Variants in CLYBL observed in about 807,000 individuals in gnomAD.
The protein encoded by CLYBL is citramalyl-CoA lyase.
CLYBL carries 31 observed loss-of-function variants against 38.9 expected under a neutral mutation model. That is an observed-to-expected ratio of 0.80 (90% CI 0.60 to 1.08). CLYBL has a LOEUF of 1.08. Among genes scored for constraint, CLYBL ranks in the 50% least tolerant of loss-of-function variants. CLYBL has a pLI of 0.00. For synonymous variants in CLYBL, 171 were observed against 158.6 expected, an observed-to-expected ratio of 1.08 and a Z score of -0.59; for missense variants, 434 against 411.6, an observed-to-expected ratio of 1.05 and a Z score of -0.47.
At chr13:99,710,017 A>G (rs907067698) in intron 1 of CLYBL, among the ~76,000 whole-genome samples, 7 of 137,354 alleles carry the variant, frequency 5.1e-5, no homozygotes, top group African/African-American at 1.4e-4. Context: ...TCCGCCTCCC[A>G]GGTTCACGCC....
At chr13:99,700,759 G>A (rs1041346379) in intron 1 of CLYBL, among the ~76,000 whole-genome samples, 2 of 152,202 alleles carry the variant, frequency 1.3e-5, no homozygotes, top group Non-Finnish European at 2.9e-5. Flanking sequence ...TGCAGGGAGT[G>A]ATAAGTAAAC....
intron 1 of CLYBL, among the ~76,000 whole-genome samples, chr13:99,641,639 C>T (rs1440403412): frequency 1.6e-5 from 2 of 127,830 alleles, no homozygotes; most frequent in Non-Finnish European, 3.4e-5. Flanking sequence ...CCCATCTCTA[C>T]TAAAAATACA....
At chr13:99,881,725 C>T (rs1471185356) in intron 7 of CLYBL, among the ~76,000 whole-genome samples, 1 of 152,026 alleles carries the variant, frequency 6.6e-6, no homozygotes, top group Admixed American at 6.5e-5. Context: ...GCCCAGCCTT[C>T]ATTACAATTT....
chr13:99,888,957 T>A (rs1795549316), intron 7 of CLYBL, among the ~76,000 whole-genome samples: 1 of 152,134 alleles, frequency 6.6e-6, no homozygotes, highest in Admixed American at 6.5e-5. Flanking sequence ...CGCTAGGCAG[T>A]CTCATTCATA....
intron 1 of CLYBL, among the ~76,000 whole-genome samples, chr13:99,753,619 T>C (rs542371446): frequency 6.6e-6 from 1 of 152,356 alleles, no homozygotes; most frequent in African/African-American, 2.4e-5. Flanking sequence ...TACATTTACC[T>C]ACATTTATTA....
At chr13:99,656,546 T>A (rs1388401998) in intron 1 of CLYBL, among the ~76,000 whole-genome samples, 1 of 152,202 alleles carries the variant, frequency 6.6e-6, no homozygotes, top group Non-Finnish European at 1.5e-5. Context: ...CCTTGTTAGC[T>A]GCATTGCCGC....
chr13:99,871,499 TCTC>T (rs1361180052), intron 7 of CLYBL, among the ~76,000 whole-genome samples: 1 of 152,074 alleles, frequency 6.6e-6, no homozygotes, highest in Admixed American at 6.6e-5. Flanking sequence ...AGTACAGAAA[TCTC>T]CTCCGGTTTA....
chr13:99,723,711 A>G (rs970484429), intron 1 of CLYBL, among the ~76,000 whole-genome samples: 2 of 152,206 alleles, frequency 1.3e-5, no homozygotes, highest in Non-Finnish European at 2.9e-5. Flanking sequence ...AATTTGTTAC[A>G]GCATATTCAG....
chr13:99,704,395 A>G (rs903354829), intron 1 of CLYBL, among the ~76,000 whole-genome samples: 2 of 152,226 alleles, frequency 1.3e-5, no homozygotes, highest in African/African-American at 4.8e-5. Flanking sequence ...TCCTCAGAAC[A>G]TTTGAAGTCT....
At chr13:99,609,619 C>A (rs567330843) in intron 1 of CLYBL, among the ~76,000 whole-genome samples, 1 of 152,318 alleles carries the variant, frequency 6.6e-6, no homozygotes, top group Non-Finnish European at 1.5e-5. Flanking sequence ...TCACTACAAC[C>A]TCTGCCTCCT....
intron 1 of CLYBL, among the ~76,000 whole-genome samples, chr13:99,609,833 G>A (rs1173390206): frequency 6.6e-6 from 1 of 152,188 alleles, no homozygotes; most frequent in Admixed American, 6.5e-5. Flanking sequence ...ATCATGCCCG[G>A]CCCTTTTCTA....
rs370400449 is a variant in CLYBL at position 99,762,077 on chromosome 13, A to G, written c.63-10747A>G. On this transcript the variant is annotated intron_variant, in intron 1 of 8. Transcript: ENST00000339105. ...ATTCTGGTTATTAATTTCTTGTCAG[A>G]TGGGTAGTTTCTAAATATTTTCTCT... is the stretch of plus-strand genomic sequence containing the variant. Among the ~76,000 whole-genome samples the G allele has an allele frequency of 2.0e-4, 30 of 152,216 alleles. No individual in the cohort carries two copies. The South Asian group carries it at 5.2e-3, about 26-fold the overall frequency.
intron 2 of CLYBL, among the ~76,000 whole-genome samples, chr13:99,786,123 T>A (rs1022601939): frequency 2.0e-5 from 3 of 152,080 alleles, no homozygotes; most frequent in African/African-American, 4.8e-5. Flanking sequence ...AATGATTATC[T>A]TTCTATTTCT....
At chr13:99,872,283 C>T (rs1826123454) in intron 7 of CLYBL, among the ~76,000 whole-genome samples, 1 of 152,208 alleles carries the variant, frequency 6.6e-6, no homozygotes, top group Admixed American at 6.5e-5. Flanking sequence ...TTTGGACTTA[C>T]ACCAATTTCA....
chr13:99,646,618 A>T (rs992588191), intron 1 of CLYBL, among the ~76,000 whole-genome samples: 1 of 149,066 alleles, frequency 6.7e-6, no homozygotes, highest in African/African-American at 2.5e-5. Context: ...GGTTCAAGCA[A>T]TTCTCTGCCT....
intron 1 of CLYBL, among the ~76,000 whole-genome samples, chr13:99,743,469 A>G (rs1308721127): frequency 6.6e-6 from 1 of 152,248 alleles, no homozygotes; most frequent in African/African-American, 2.4e-5. Flanking sequence ...CTTGACTGCA[A>G]TTAGACATAT....
In CLYBL at chr13:99,879,722, A is replaced by G. The variant is rs140959448; in HGVS notation, c.927+8660A>G. ...TTTTCAAAAACACTGATGTTTCTCA[A>G]ACTCTTGCAGGTCTTAAAACTACTC... On this transcript the variant is annotated intron_variant, in intron 7 of 8. Coordinates refer to ENST00000339105, the MANE Select transcript of CLYBL (RefSeq NM_206808.5). 2.6e-4 allele frequency among the ~76,000 whole-genome samples: 39 copies of G among 152,254 alleles called. No homozygotes were observed. In the East Asian group the frequency reaches 6.8e-3, roughly 26 times the overall value.
intron 1 of CLYBL, among the ~76,000 whole-genome samples, chr13:99,607,581 A>G (rs1034921059): frequency 2.0e-5 from 3 of 152,084 alleles, no homozygotes; most frequent in African/African-American, 7.3e-5. Flanking sequence ...ACATGGTCTC[A>G]TTTGGTTCCC....
intron 2 of CLYBL, among the ~76,000 whole-genome samples, chr13:99,815,548 G>A (rs1052157784): frequency 1.3e-5 from 2 of 152,144 alleles, no homozygotes; most frequent in African/African-American, 2.4e-5. Flanking sequence ...TGGCGCCACC[G>A]CATTCCAGCT....
Sources: gnomAD v4.1 joint callset for allele counts (sites outside exome capture counted in the v4.1 genomes callset) on GRCh38, gnomAD v4.1.1 for gene constraint, MANE v1.5 for transcripts, NCBI Gene and HGNC (gene_info 2026-07-23, HGNC 2026-07-21) for gene names.